MKLN1: variants seen among roughly 807,000 people sequenced by gnomAD.
MKLN1 encodes the protein muskelin 1, also known as muskelin.
Under a neutral mutation model 99.0 loss-of-function variants are expected in MKLN1, and 18 were observed. That is an observed-to-expected ratio of 0.18 (90% CI 0.13 to 0.27). The LOEUF is 0.27. Ranked by LOEUF, MKLN1 falls within the 10% of genes least tolerant of loss-of-function variation. The probability of loss-of-function intolerance (pLI) is 1.00; values close to 1 mark genes in which losing one functional copy is unlikely to be tolerated. For missense variants in MKLN1, 621 were observed against 875.9 expected (o/e 0.71, Z 3.67); for synonymous variants, 288 against 293.2 (o/e 0.98, Z 0.18).
intron 3 of MKLN1, among the ~76,000 whole-genome samples, chr7:131,261,253 A>C (rs189893201): frequency 7.4e-4 from 112 of 152,368 alleles, no homozygotes; most frequent in Middle Eastern, 6.8e-3. Context: ...CATCCGGCAA[A>C]GGTCTAATAT....
chr7:131,392,780 T>A (rs1312639472), intron 4 of MKLN1, among the ~76,000 whole-genome samples: 1 of 152,148 alleles, frequency 6.6e-6, no homozygotes, highest in Admixed American at 6.5e-5. Context: ...TAATTTTGTA[T>A]TTTTAGTAGA....
At chr7:131,305,127 G>C (rs1225598714) in intron 3 of MKLN1, among the ~76,000 whole-genome samples, 2 of 152,322 alleles carry the variant, frequency 1.3e-5, no homozygotes, top group East Asian at 3.9e-4. Context: ...CACCAGAACT[G>C]TGAGAAATGA....
intron 1 of MKLN1, among the ~76,000 whole-genome samples, chr7:131,367,783 T>C (rs1800224630): frequency 6.6e-6 from 1 of 152,216 alleles, no homozygotes; most frequent in South Asian, 2.1e-4. Flanking sequence ...TCACAGGAGA[T>C]AGCCAGCCAA....
At chr7:131,466,211 C>G in intron 14 of MKLN1, 65 bp from the exon 15 acceptor site, 4 of 1,238,778 alleles carry the variant, frequency 3.2e-6, no homozygotes, top group Non-Finnish European at 4.5e-6. Context: ...CTGTTATGCA[C>G]TGCTACTAGA....
Position 131,492,345 on chromosome 7 carries a change from G to A in MKLN1, c.*4617G>A, listed in dbSNP as rs1221614814. The A allele has an allele frequency of 1.3e-5, 2 of 152,070 alleles. No individual in the cohort carries two copies. Among genetic ancestry groups the A allele is most frequent in the African/African-American group, 4.8e-5 (2 of 41,414 alleles). The allele number at this position is 152,070 out of a possible 1,614,324, so 9.4% of individuals were successfully genotyped here. On this transcript the variant is annotated 3_prime_UTR_variant, in exon 18 of 18. Transcript: ENST00000352689. ...TCTGAAATAGTTGAATATTAGAAGT[G>A]GCTTCAGTTGCCATGAAATGATTGC...
intron 1 of MKLN1, among the ~76,000 whole-genome samples, chr7:131,123,049 A>AAAAAG (rs1795400485): frequency 6.7e-5 from 10 of 150,268 alleles, no homozygotes; most frequent in South Asian, 2.1e-4. Flanking sequence ...AAAAAAAAAA[A>AAAAAG]GTGTTGCTGC....
intron 3 of MKLN1, among the ~76,000 whole-genome samples, chr7:131,280,232 C>T (rs182276547): frequency 4.5e-4 from 69 of 152,282 alleles, no homozygotes; most frequent in Admixed American, 4.1e-3. Context: ...ATTGTTTTCA[C>T]GTTAGGCCAC....
chr7:131,267,958 CAA>C (rs1404509915), intron 3 of MKLN1, among the ~76,000 whole-genome samples: 1 of 152,136 alleles, frequency 6.6e-6, no homozygotes, highest in Non-Finnish European at 1.5e-5. Context: ...CCTCTAAACA[CAA>C]AGTTTCTTAC....
intron 2 of MKLN1, among the ~76,000 whole-genome samples, chr7:131,157,795 C>G (rs2097064421): frequency 6.6e-6 from 1 of 152,058 alleles, no homozygotes. Context: ...GGTAGAGAGA[C>G]CTCAAAGACA....
chr7:131,478,595 C>CATT (rs1797029668), intron 16 of MKLN1, 28 bp from the exon 17 acceptor site: 1 of 1,034,246 alleles, frequency 9.7e-7, no homozygotes, highest in Admixed American at 3.8e-5. Flanking sequence ...TTTGCTGCTT[C>CATT]TTTTTTTTTT....
In MKLN1 at chr7:131,287,014, A is replaced by T. The variant is rs1798141354; in HGVS notation, c.-179+84040A>T. ...CTTCTTGGGAGGCTGAGATGGGAGG[A>T]TCGATTGAGCCCTAAAGATTGAGGC... On this transcript the variant is annotated intron_variant, in intron 3 of 7. Coordinates refer to the MKLN1 transcript ENST00000416992. Among the ~76,000 whole-genome samples the T allele has an allele frequency of 2.6e-5, 4 of 152,304 alleles. No homozygotes were observed. The South Asian group carries it at 8.3e-4, about 32-fold the overall frequency.
Position 131,262,231 on chromosome 7 carries a change from C to T in MKLN1, c.-179+59257C>T, listed in dbSNP as rs572110179. Reference sequence around the variant, plus strand: ...TGGGCAAATCACGAGGTCAAGAGATCGAGACCATCCTGGCCAACATGGTGA... The same window carrying T: ...TGGGCAAATCACGAGGTCAAGAGATTGAGACCATCCTGGCCAACATGGTGA... On this transcript the variant is annotated intron_variant, in intron 3 of 7. Transcript: ENST00000416992. 5.3e-5 allele frequency among the ~76,000 whole-genome samples: 8 copies of T among 152,090 alleles called. No homozygotes were observed. The East Asian group carries it at 7.8e-4, about 15-fold the overall frequency.
intron 1 of MKLN1, among the ~76,000 whole-genome samples, chr7:131,345,909 C>T (rs1455880340): frequency 1.3e-5 from 2 of 152,044 alleles, no homozygotes; most frequent in African/African-American, 2.4e-5. Context: ...CAATAATATA[C>T]TTATGAAATT....
chr7:131,207,320 T>G (rs1796828457), intron 3 of MKLN1, among the ~76,000 whole-genome samples: 1 of 152,028 alleles, frequency 6.6e-6, no homozygotes, highest in East Asian at 1.9e-4. Context: ...GCCTCAGCCT[T>G]CCAAGTAGCT....
chr7:131,142,855 A>G (rs1393977082), exon 2 of MKLN1: 1 of 1,250,452 alleles, frequency 8.0e-7, no homozygotes, highest in Non-Finnish European at 1.1e-6. Flanking sequence ...ATGTTTTGGG[A>G]TCATCCAAAC....
rs1254667322 is a variant in MKLN1 at position 131,491,733 on chromosome 7, A to T, written c.*4005A>T. On this transcript the variant is annotated 3_prime_UTR_variant, in exon 18 of 18. Transcript: ENST00000352689. ...CCAAATGCTTTTTCTTTTTCTGAATAAATGCTGTATTAGAGGTTCTATTTA... is the reference window on the plus strand; with the variant it reads ...CCAAATGCTTTTTCTTTTTCTGAATTAATGCTGTATTAGAGGTTCTATTTA... 4 of 152,598 alleles carry T rather than the reference A, an allele frequency of 2.6e-5. No homozygotes were observed. Among genetic ancestry groups the T allele is most frequent in the African/African-American group, 9.7e-5 (4 of 41,448 alleles). 9.5% of individuals were successfully genotyped at this position (152,598 alleles called of 1,614,324 possible). A position where few individuals can be genotyped will look rare whatever the true frequency, so the allele number is the denominator to read the frequency against.
intron 1 of MKLN1, among the ~76,000 whole-genome samples, chr7:131,130,858 G>C (rs1023275074): frequency 4.6e-5 from 7 of 151,930 alleles, no homozygotes; most frequent in Admixed American, 2.6e-4. Flanking sequence ...CCTAAGACCA[G>C]CCTGGACAAC....
intron 1 of MKLN1, among the ~76,000 whole-genome samples, chr7:131,350,576 G>A (rs1799691273): frequency 6.6e-6 from 1 of 152,146 alleles, no homozygotes; most frequent in Admixed American, 6.5e-5. Context: ...TTTGATTGTT[G>A]GCAGGATTCA....
chr7:131,406,036 A>C (rs562923988), intron 6 of MKLN1, among the ~76,000 whole-genome samples: 1 of 152,078 alleles, frequency 6.6e-6, no homozygotes, highest in Non-Finnish European at 1.5e-5. Flanking sequence ...TCATCGAATT[A>C]TATGTTTCCT....
Sources: gnomAD v4.1 joint callset for allele counts (sites outside exome capture counted in the v4.1 genomes callset) on GRCh38, gnomAD v4.1.1 for gene constraint, MANE v1.5 for transcripts, NCBI Gene and HGNC (gene_info 2026-07-23, HGNC 2026-07-21) for gene names.